The following CDK17 variants were observed in gnomAD, a reference collection of about 807,000 sequenced individuals.
CDK17 encodes the protein cyclin dependent kinase 17.
CDK17 carries 24 observed loss-of-function variants against 77.6 expected under a neutral mutation model. The observed-to-expected ratio is 0.31, with a 90% CI of 0.22 to 0.44. The LOEUF (loss-of-function observed/expected upper bound fraction) is 0.44, where lower values mean the gene tolerates loss of function less well. Among genes scored for constraint, CDK17 ranks in the 20% least tolerant of loss-of-function variants. The probability of loss-of-function intolerance (pLI) is 1.00; values close to 1 mark genes in which losing one functional copy is unlikely to be tolerated. For synonymous variants in CDK17, 203 were observed against 210.4 expected (o/e 0.96, Z 0.30); for missense variants, 429 against 622.5 (o/e 0.69, Z 3.31).
chr12:96,312,974 T>A (rs889071323), intron 4 of CDK17, among the ~76,000 whole-genome samples: 1 of 152,204 alleles, frequency 6.6e-6, no homozygotes, highest in Non-Finnish European at 1.5e-5. Context: ...TAAAATCGTA[T>A]TTTCTAAAAA....
chr12:96,314,383 T>A (rs1952680549), intron 3 of CDK17, among the ~76,000 whole-genome samples: 1 of 152,078 alleles, frequency 6.6e-6, no homozygotes, highest in Non-Finnish European at 1.5e-5. Flanking sequence ...ATTTTATTTT[T>A]TTTGTAGAGA....
At chr12:96,286,584 A>G (rs935911201) in intron 12 of CDK17, 80 bp downstream of exon 12, 1 of 938,210 alleles carries the variant, frequency 1.1e-6, no homozygotes, top group African/African-American at 1.7e-5. Flanking sequence ...TAATTTTAAA[A>G]TATGTATTTT....
chr12:96,313,070 G>T (rs1384864385), intron 4 of CDK17, among the ~76,000 whole-genome samples: 1 of 151,586 alleles, frequency 6.6e-6, no homozygotes, highest in South Asian at 2.1e-4. Flanking sequence ...ATAACGTTTC[G>T]CAAAAAATTA....
intron 4 of CDK17, 111 bp downstream of exon 4, chr12:96,313,210 G>A (rs780514962): frequency 4.6e-5 from 31 of 680,466 alleles, no homozygotes; most frequent in South Asian, 2.2e-4. Flanking sequence ...CAAGTGTCAC[G>A]TGTCTTCATG....
intron 1 of CDK17, among the ~76,000 whole-genome samples, chr12:96,395,809 C>T (rs961431949): frequency 6.6e-6 from 1 of 152,176 alleles, no homozygotes; most frequent in Non-Finnish European, 1.5e-5. Flanking sequence ...TCTCCCTCCC[C>T]TCCCTCCCAC....
chr12:96,334,424 A>G (rs1019418714), intron 2 of CDK17, among the ~76,000 whole-genome samples: 28 of 152,230 alleles, frequency 1.8e-4, no homozygotes, highest in African/African-American at 6.8e-4. Flanking sequence ...TTAACAATCA[A>G]GATAATATTA....
chr12:96,325,430 G>C (rs1313931969), intron 2 of CDK17, among the ~76,000 whole-genome samples: 4 of 152,198 alleles, frequency 2.6e-5, no homozygotes, highest in African/African-American at 9.6e-5. Flanking sequence ...ACAGGAGTTG[G>C]CTACAAGCCT....
chr12:96,284,103 G>A (rs1952213222), intron 13 of CDK17, among the ~76,000 whole-genome samples: 1 of 152,212 alleles, frequency 6.6e-6, no homozygotes, highest in Non-Finnish European at 1.5e-5. Context: ...CAAATTTTTA[G>A]AGTTGTCTGC....
chr12:96,284,230 G>A (rs1952215465), intron 13 of CDK17, among the ~76,000 whole-genome samples: 1 of 152,096 alleles, frequency 6.6e-6, no homozygotes, highest in African/African-American at 2.4e-5. Context: ...CAGCACTTTG[G>A]GAGGCCGAGG....
intron 1 of CDK17, among the ~76,000 whole-genome samples, chr12:96,353,605 C>CGGGGGGCG (rs1953346320): frequency 7.1e-6 from 1 of 140,842 alleles, no homozygotes; most frequent in Non-Finnish European, 1.5e-5. Flanking sequence ...TAAAAGGTGG[C>CGGGGGGCG]GGGGGGGGGC....
At chr12:96,362,571 T>TA (rs1953510693) in intron 1 of CDK17, among the ~76,000 whole-genome samples, 1 of 152,152 alleles carries the variant, frequency 6.6e-6, no homozygotes, top group African/African-American at 2.4e-5. Context: ...TATTAGAGGA[T>TA]TCTCTAATAT....
intron 7 of CDK17, 87 bp from the exon 8 acceptor site, chr12:96,297,808 A>G: frequency 1.4e-6 from 1 of 731,812 alleles, no homozygotes; most frequent in Admixed American, 2.4e-5. Flanking sequence ...TGATTAAAAG[A>G]TTCTCTTAAG....
intron 1 of CDK17, among the ~76,000 whole-genome samples, chr12:96,365,565 T>G (rs1953571530): frequency 6.6e-6 from 1 of 152,226 alleles, no homozygotes; most frequent in Non-Finnish European, 1.5e-5. Context: ...GCAATATTCT[T>G]GAATAGTCAG....
chr12:96,323,629 G>A (rs111935044), intron 3 of CDK17, among the ~76,000 whole-genome samples: 1,584 of 151,956 alleles, frequency 0.01, 31 homozygotes, highest in African/African-American at 0.036. Context: ...GGCTTTATAT[G>A]GTGATGATCT....
chr12:96,290,548 T>A (rs992903675), intron 10 of CDK17, among the ~76,000 whole-genome samples: 8 of 152,222 alleles, frequency 5.3e-5, no homozygotes, highest in African/African-American at 1.7e-4. Flanking sequence ...AGGTTATAAC[T>A]GGAACAATGT....
intron 3 of CDK17, among the ~76,000 whole-genome samples, chr12:96,317,627 G>C (rs1952750572): frequency 7.9e-6 from 1 of 126,896 alleles, no homozygotes; most frequent in Non-Finnish European, 1.7e-5. Flanking sequence ...AGCCAGAAGA[G>C]AGTGGGGGCC....
intron 9 of CDK17, 121 bp from the exon 10 acceptor site, chr12:96,295,243 T>C (rs1377282136): frequency 5.9e-6 from 4 of 678,124 alleles, no homozygotes; most frequent in Non-Finnish European, 9.8e-6. Flanking sequence ...AAGAAAGTAA[T>C]TGCATACTTA....
intron 1 of CDK17, among the ~76,000 whole-genome samples, chr12:96,336,104 G>A (rs991380275): frequency 2.6e-5 from 4 of 152,060 alleles, no homozygotes; most frequent in African/African-American, 9.7e-5. Flanking sequence ...AAAGCTGGGG[G>A]GGGAGGTATC....
chr12:96,284,514 CATAAT>C (rs1322295068), intron 13 of CDK17: 1 of 143,584 alleles, frequency 7.0e-6, no homozygotes, highest in Non-Finnish European at 1.5e-5. Context: ...AAACTAATGA[CATAAT>C]AAAGATGAAA....
Sources: allele counts gnomAD v4.1 joint callset (sites outside exome capture counted in the v4.1 genomes callset), GRCh38; gene constraint gnomAD v4.1.1; transcripts MANE v1.5; gene names NCBI Gene and HGNC (gene_info 2026-07-23, HGNC 2026-07-21).